The following FGF12 variants were observed in gnomAD, a reference collection of about 807,000 sequenced individuals.
FGF12 encodes the protein fibroblast growth factor 12B.
FGF12 carries 14 observed loss-of-function variants against 23.6 expected under a neutral mutation model. The ratio of observed to expected loss-of-function variants is 0.59; its 90% CI spans 0.39 to 0.93. The LOEUF (loss-of-function observed/expected upper bound fraction) is 0.93, where lower values mean the gene tolerates loss of function less well. Among genes scored for constraint, FGF12 ranks in the 40% least tolerant of loss-of-function variants. The pLI is 0.00. For missense variants in FGF12, 175 were observed against 217.8 expected (o/e 0.80, Z 1.24); for synonymous variants, 62 against 77.3 (o/e 0.80, Z 1.04).
chr3:192,156,442 G>A (rs572209282), intron 5 of FGF12, among the ~76,000 whole-genome samples: 6 of 152,260 alleles, frequency 3.9e-5, no homozygotes, highest in African/African-American at 1.4e-4. Flanking sequence ...GTATAAAACT[G>A]ATTTAAACTT....
At chr3:192,564,090 G>A (rs2108596887) in intron 2 of FGF12, among the ~76,000 whole-genome samples, 1 of 152,006 alleles carries the variant, frequency 6.6e-6, no homozygotes, top group Admixed American at 6.6e-5. Flanking sequence ...TTGAGACACA[G>A]TCTCCCTCTG....
In FGF12 at chr3:192,365,976, T is replaced by TA. The variant is rs5855421; in HGVS notation, c.14-5439dup. On this transcript the variant is annotated intron_variant, in intron 2 of 5. Transcript: ENST00000445105. ...CACTTTACTTCATTAGCTTCAAAGG[T>TA]AAAAAAAAAAAAAAAAAAACAACAA... Among the ~76,000 whole-genome samples, 225 of 130,792 alleles carry TA rather than the reference T, an allele frequency of 1.7e-3. 1 individual carries two copies. The highest frequency in any genetic ancestry group is 5.9e-3 in the South Asian group (26 of 4,390). The allele number at this position is 130,792 out of a possible 152,430, so 85.8% of individuals were successfully genotyped here.
intron 4 of FGF12, among the ~76,000 whole-genome samples, chr3:192,204,482 A>G (rs1230720030): frequency 6.6e-6 from 1 of 152,324 alleles, no homozygotes; most frequent in South Asian, 2.1e-4. Flanking sequence ...TGAAGCAAGA[A>G]TTGTAAAGTG....
chr3:192,152,261 C>T (rs1214560107), intron 5 of FGF12, among the ~76,000 whole-genome samples: 63 of 94,590 alleles, frequency 6.7e-4, no homozygotes, highest in Non-Finnish European at 9.9e-4. Flanking sequence ...TTTCAAAAAA[C>T]CAGCTCCTGG....
chr3:192,164,135 T>C (rs1560174075), intron 5 of FGF12, among the ~76,000 whole-genome samples: 1 of 152,086 alleles, frequency 6.6e-6, no homozygotes, highest in East Asian at 1.9e-4. Context: ...AGGAGGAGAC[T>C]ATATTTTGTT....
chr3:192,448,182 T>A (rs532772610), intron 2 of FGF12, among the ~76,000 whole-genome samples: 1 of 152,342 alleles, frequency 6.6e-6, no homozygotes, highest in Non-Finnish European at 1.5e-5. Context: ...TTGCAGCTAT[T>A]AAATTCAGTT....
intron 4 of FGF12, among the ~76,000 whole-genome samples, chr3:192,267,934 A>C (rs893187684): frequency 3.9e-5 from 6 of 152,164 alleles, no homozygotes; most frequent in African/African-American, 1.4e-4. Flanking sequence ...CTTCCACATC[A>C]CATATTCTCT....
intron 4 of FGF12, among the ~76,000 whole-genome samples, chr3:192,243,700 AG>A (rs1342139444): frequency 2.0e-5 from 3 of 152,092 alleles, no homozygotes; most frequent in African/African-American, 2.4e-5. Context: ...TATAAAAAAA[AG>A]ATTAATAAAA....
At chr3:192,169,848 A>C (rs985655263) in intron 5 of FGF12, among the ~76,000 whole-genome samples, 1 of 149,528 alleles carries the variant, frequency 6.7e-6, no homozygotes, top group Admixed American at 6.7e-5. Context: ...AAAAAAAAAC[A>C]AAAAAGTTTA....
rs574181130 is a variant in FGF12 at position 192,666,895 on chromosome 3, G to C, written c.13+60286C>G. Among the ~76,000 whole-genome samples, 4 of 149,580 alleles carry C rather than the reference G, an allele frequency of 2.7e-5. No homozygotes were observed. In the South Asian group the frequency reaches 8.5e-4, roughly 32 times the overall value. On this transcript the variant is annotated intron_variant, in intron 2 of 5. Coordinates refer to ENST00000445105, the MANE Select transcript of FGF12 (RefSeq NM_004113.6). ...ATTAAAGAATACAATAGTTTAGATGGATGGATAGTTGGATAGATAGATGAT... is the reference window on the plus strand; with the variant it reads ...ATTAAAGAATACAATAGTTTAGATGCATGGATAGTTGGATAGATAGATGAT...
chr3:192,654,707 C>T (rs1274996669), intron 2 of FGF12, among the ~76,000 whole-genome samples: 2 of 152,114 alleles, frequency 1.3e-5, no homozygotes, highest in Non-Finnish European at 1.5e-5. Context: ...GAACGTAGTC[C>T]GTTCCTTTCC....
intron 2 of FGF12, among the ~76,000 whole-genome samples, chr3:192,361,627 C>G (rs1384369478): frequency 6.6e-6 from 1 of 152,110 alleles, no homozygotes; most frequent in Non-Finnish European, 1.5e-5. Context: ...CCAAGAATGT[C>G]TTTTTTCTGC....
chr3:192,328,860 G>A (rs1716963691), intron 4 of FGF12, among the ~76,000 whole-genome samples: 1 of 152,190 alleles, frequency 6.6e-6, no homozygotes, highest in African/African-American at 2.4e-5. Context: ...TCTGGTGCCT[G>A]AGATGTGGTA....
Position 192,650,849 on chromosome 3 carries a change from C to T in FGF12, c.13+76332G>A, listed in dbSNP as rs1465689799. Among the ~76,000 whole-genome samples the T allele has an allele frequency of 5.3e-5, 8 of 152,152 alleles. No homozygotes were observed. The South Asian group carries it at 6.2e-4, about 12-fold the overall frequency. On this transcript the variant is annotated intron_variant, in intron 2 of 5. Transcript: ENST00000445105. ...ACTTTACATATTCTGTCCTATCATC[C>T]GACAAGATAGCTTGAATTTTTTACT...
At chr3:192,672,734 G>A (rs1314352306) in intron 2 of FGF12, among the ~76,000 whole-genome samples, 1 of 150,916 alleles carries the variant, frequency 6.6e-6, no homozygotes, top group Non-Finnish European at 1.5e-5. Flanking sequence ...CTGCTGCCAA[G>A]GAATTCATCA....
At chr3:192,212,791 G>T (rs1718002099) in intron 4 of FGF12, among the ~76,000 whole-genome samples, 1 of 150,042 alleles carries the variant, frequency 6.7e-6, no homozygotes. Context: ...AAAAATGGGG[G>T]GGGGGTTAAA....
intron 2 of FGF12, among the ~76,000 whole-genome samples, chr3:192,365,634 T>C (rs1718947194): frequency 6.6e-6 from 1 of 151,944 alleles, no homozygotes; most frequent in Non-Finnish European, 1.5e-5. Flanking sequence ...AAGCAAGTAA[T>C]AAATGTTTTC....
At chr3:192,462,733 A>C (rs1235300476) in intron 2 of FGF12, among the ~76,000 whole-genome samples, 2 of 152,146 alleles carry the variant, frequency 1.3e-5, no homozygotes, top group African/African-American at 4.8e-5. Flanking sequence ...AAATGCCCCT[A>C]ACTTTTGATT....
chr3:192,662,212 A>G (rs1560185960), intron 2 of FGF12, among the ~76,000 whole-genome samples: 1 of 152,248 alleles, frequency 6.6e-6, no homozygotes, highest in Non-Finnish European at 1.5e-5. Flanking sequence ...GTCACAGTTA[A>G]CTTTTAATAA....
Sources: gnomAD v4.1 joint callset for allele counts (sites outside exome capture counted in the v4.1 genomes callset) on GRCh38, gnomAD v4.1.1 for gene constraint, MANE v1.5 for transcripts, NCBI Gene and HGNC (gene_info 2026-07-23, HGNC 2026-07-21) for gene names.